TBC1D16: variants seen among roughly 807,000 people sequenced by gnomAD.
The protein encoded by TBC1D16 is TBC1 domain family member 16.
TBC1D16 carries 58 observed loss-of-function variants against 74.7 expected under a neutral mutation model. The observed-to-expected ratio is 0.78, with a 90% CI of 0.63 to 0.97. The LOEUF is 0.97. TBC1D16 is among the 50% of genes least tolerant of loss of function. TBC1D16 has a pLI of 0.00. For synonymous variants in TBC1D16, 493 were observed against 474.7 expected, an observed-to-expected ratio of 1.04 and a Z score of -0.50; for missense variants, 1,014 against 1,079.5, an observed-to-expected ratio of 0.94 and a Z score of 0.85.
chr17:80,003,493 A>C (rs1421980757), intron 3 of TBC1D16, among the ~76,000 whole-genome samples: 1 of 152,216 alleles, frequency 6.6e-6, no homozygotes, highest in Non-Finnish European at 1.5e-5. Flanking sequence ...CTCGCCCTGG[A>C]GGCCTCTTCA....
chr17:79,984,101 A>G (rs1361411973), intron 3 of TBC1D16, among the ~76,000 whole-genome samples: 2 of 151,924 alleles, frequency 1.3e-5, no homozygotes, highest in African/African-American at 4.8e-5. Flanking sequence ...GCCCAGGCTG[A>G]CCTTGAACTC....
rs1011567834 is a variant in TBC1D16 at position 79,944,785 on chromosome 17, G to C, written c.1908+123C>G. 1 of 892,632 alleles carries C rather than the reference G, an allele frequency of 1.1e-6. No homozygotes were observed. The highest frequency in any genetic ancestry group is 2.9e-5 in the Admixed American group (1 of 33,980). 55.3% of individuals were successfully genotyped at this position (892,632 alleles called of 1,614,324 possible). On this transcript the variant is annotated intron_variant, in intron 10 of 11. Transcript: ENST00000310924. The surrounding 1 kb of genome is among the most constrained non-coding windows in gnomAD (Gnocchi z 7.7). ...GGGACGGGAAGGCAGTCGCCGTATG[G>C]GGGGCTAATGTGTGGCTGTGGGTGG... is the stretch of plus-strand genomic sequence containing the variant.
At chr17:79,999,639 T>A (rs555620176) in intron 3 of TBC1D16, among the ~76,000 whole-genome samples, 2 of 116,620 alleles carry the variant, frequency 1.7e-5, no homozygotes, top group East Asian at 5.9e-4. Context: ...GCTTCCTGGG[T>A]TCAAGTGATT....
intron 1 of TBC1D16, among the ~76,000 whole-genome samples, chr17:80,023,064 C>G (rs1401435264): frequency 6.7e-6 from 1 of 150,228 alleles, no homozygotes. Context: ...GCACATGTGA[C>G]AAACACGTGT....
In TBC1D16 at chr17:79,976,733, C is replaced by T. The variant is rs541133157; in HGVS notation, c.780-23915G>A. 1.4e-4 allele frequency among the ~76,000 whole-genome samples: 22 copies of T among 152,304 alleles called. No homozygotes were observed. In the East Asian group the frequency reaches 1.9e-3, roughly 13 times the overall value. ...ATTATCCTGGAGGGTTTAAGTCCCCCGAGGCAGGAGCCAAAGGGAACAGCA... is the reference window on the plus strand; with the variant it reads ...ATTATCCTGGAGGGTTTAAGTCCCCTGAGGCAGGAGCCAAAGGGAACAGCA... On this transcript the variant is annotated intron_variant, in intron 3 of 11. Coordinates refer to ENST00000310924, the MANE Select transcript of TBC1D16 (RefSeq NM_019020.4).
chr17:79,999,077 G>A (rs1026207378), intron 3 of TBC1D16, among the ~76,000 whole-genome samples: 6 of 152,124 alleles, frequency 3.9e-5, no homozygotes, highest in East Asian at 1.9e-4. Context: ...CCAACACGGC[G>A]AAACCCCATC....
intron 3 of TBC1D16, among the ~76,000 whole-genome samples, chr17:79,955,630 G>C (rs182216674): frequency 4.3e-4 from 65 of 152,284 alleles, no homozygotes; most frequent in African/African-American, 1.6e-3. Flanking sequence ...TAAAAGGATG[G>C]GTTTTGCAGG....
intron 3 of TBC1D16, among the ~76,000 whole-genome samples, chr17:79,973,821 C>T (rs1016282910): frequency 3.9e-5 from 6 of 152,118 alleles, no homozygotes; most frequent in Admixed American, 2.0e-4. Flanking sequence ...CACTACTGCA[C>T]TCCACCCTGG....
chr17:79,968,837 C>T (rs1040568807), intron 3 of TBC1D16, among the ~76,000 whole-genome samples: 3 of 93,018 alleles, frequency 3.2e-5, no homozygotes, highest in South Asian at 8.4e-4. Flanking sequence ...AGCCAGATGC[C>T]GTCTCAAAAA....
rs1238708600 is a variant in TBC1D16 at position 79,942,218 on chromosome 17, G to A, written c.1909-12C>T. The A allele has an allele frequency of 1.3e-6, 2 of 1,581,024 alleles. No homozygotes were observed. Among genetic ancestry groups the A allele is most frequent in the Non-Finnish European group, 1.7e-6 (2 of 1,162,978 alleles). ...TGGAAGTAGTCCGTCTGTGGAGGCGGGTAGAGTTCAGACACGGGCTCTGAC... is the reference window on the plus strand; with the variant it reads ...TGGAAGTAGTCCGTCTGTGGAGGCGAGTAGAGTTCAGACACGGGCTCTGAC... On this transcript the variant is annotated splice_polypyrimidine_tract_variant and intron_variant, in intron 10 of 11. Transcript: ENST00000310924.
At chr17:79,997,989 G>A (rs547840882) in intron 3 of TBC1D16, among the ~76,000 whole-genome samples, 1 of 152,112 alleles carries the variant, frequency 6.6e-6, no homozygotes, top group African/African-American at 2.4e-5. Context: ...GCTGGGTGTG[G>A]TGGCGGGAGC....
chr17:79,987,129 G>A lies in TBC1D16; in HGVS notation c.779+23031C>T, dbSNP rs1045959117. On this transcript the variant is annotated intron_variant, in intron 3 of 11. Coordinates refer to ENST00000310924, the MANE Select transcript of TBC1D16 (RefSeq NM_019020.4). This position sits in a 1 kb window ranked among gnomAD's most constrained non-coding sequence, Gnocchi z 5.2. ...AGAACTGGCTGCCCACCAGGGGCAGGAGACTGGATGGTCTTTCCAGGCCCT... is the reference window on the plus strand; with the variant it reads ...AGAACTGGCTGCCCACCAGGGGCAGAAGACTGGATGGTCTTTCCAGGCCCT... 6.6e-6 allele frequency among the ~76,000 whole-genome samples: 1 copy of A among 152,322 alleles called. No individual in the cohort carries two copies. Among genetic ancestry groups the A allele is most frequent in the South Asian group, 2.1e-4 (1 of 4,828 alleles).
chr17:79,943,930 C>A, intron 10 of TBC1D16: 1 of 1,455,978 alleles, frequency 6.9e-7, no homozygotes, highest in Non-Finnish European at 9.1e-7. Flanking sequence ...TCAGACCGTC[C>A]ATGCCGTGCT....
At chr17:80,017,968 A>G (rs1377580538) in intron 1 of TBC1D16, among the ~76,000 whole-genome samples, 2 of 152,186 alleles carry the variant, frequency 1.3e-5, no homozygotes, top group East Asian at 3.9e-4. Flanking sequence ...CTACAAATCA[A>G]AAAACATATT....
intron 3 of TBC1D16, 28 bp from the exon 4 acceptor site, chr17:79,952,846 C>T: frequency 4.4e-6 from 7 of 1,581,594 alleles, no homozygotes; most frequent in South Asian, 1.1e-5. Context: ...GTGATGATCG[C>T]CACACTTCTC....
At chr17:80,030,055 T>C (rs7215606) in intron 1 of TBC1D16, among the ~76,000 whole-genome samples, 56,200 of 151,904 alleles carry the variant, frequency 0.37, 13,049 homozygotes, top group African/African-American at 0.67. Flanking sequence ...TCAGGCCCAC[T>C]CATATAACCC....
rs541995819 is a variant in TBC1D16 at position 80,012,343 on chromosome 17, C to T, written c.181+1024G>A. ...CAACCTCCGGGTCGAGGGGCCGCATCGCCCAGAACCTGCACCCCTTTCTAG... is the reference window on the plus strand; with the variant it reads ...CAACCTCCGGGTCGAGGGGCCGCATTGCCCAGAACCTGCACCCCTTTCTAG... On this transcript the variant is annotated intron_variant, in intron 2 of 11. Coordinates refer to ENST00000310924, the MANE Select transcript of TBC1D16 (RefSeq NM_019020.4). 2.3e-4 allele frequency among the ~76,000 whole-genome samples: 35 copies of T among 152,292 alleles called. No individual in the cohort carries two copies. In the South Asian group the frequency reaches 3.1e-3, roughly 14 times the overall value.
intron 3 of TBC1D16, among the ~76,000 whole-genome samples, chr17:79,970,012 T>C (rs914166158): frequency 9.9e-5 from 15 of 152,186 alleles, no homozygotes; most frequent in Non-Finnish European, 1.9e-4. Context: ...AGTAGCATTA[T>C]TCATCATATC....
chr17:80,031,329 G>A (rs1055037456), intron 1 of TBC1D16, among the ~76,000 whole-genome samples: 7 of 152,200 alleles, frequency 4.6e-5, no homozygotes, highest in African/African-American at 1.7e-4. Flanking sequence ...CCACATTCAG[G>A]ATACACCCGG....
Sources: allele counts gnomAD v4.1 joint callset (sites outside exome capture counted in the v4.1 genomes callset), GRCh38; gene constraint gnomAD v4.1.1; non-coding constraint Gnocchi (gnomAD v3.1); transcripts MANE v1.5; gene names NCBI Gene and HGNC (gene_info 2026-07-23, HGNC 2026-07-21).